AGBL1: variants seen among roughly 807,000 people sequenced by gnomAD.
The protein encoded by AGBL1 is AGBL carboxypeptidase 1, also known as cytosolic carboxypeptidase 4.
In AGBL1, 130 loss-of-function variants were observed where a neutral mutation model predicts 118.9. That is an observed-to-expected ratio of 1.09 (90% CI 0.95 to 1.26). The LOEUF (loss-of-function observed/expected upper bound fraction) is 1.26. Among genes scored for constraint, AGBL1 ranks in the 50% most tolerant of loss-of-function variants. AGBL1 has a pLI of 0.00. For synonymous variants in AGBL1, 555 were observed against 478.9 expected, an observed-to-expected ratio of 1.16 and a Z score of -2.08; for missense variants, 1,584 against 1,298.1, an observed-to-expected ratio of 1.22 and a Z score of -3.38.
chr15:86,719,275 G>A (rs528082707), intron 22 of AGBL1, among the ~76,000 whole-genome samples: 1 of 152,294 alleles, frequency 6.6e-6, no homozygotes, highest in East Asian at 1.9e-4. Context: ...CAGTCAGATA[G>A]GAGACAACTC....
chr15:86,735,189 C>T (rs1383263553), intron 22 of AGBL1, among the ~76,000 whole-genome samples: 1 of 152,104 alleles, frequency 6.6e-6, no homozygotes, highest in Non-Finnish European at 1.5e-5. Flanking sequence ...TTCAGAGATT[C>T]TCCTGCCTCA....
At chr15:86,854,422 G>T (rs2079449568) in intron 22 of AGBL1, among the ~76,000 whole-genome samples, 1 of 152,102 alleles carries the variant, frequency 6.6e-6, no homozygotes, top group Non-Finnish European at 1.5e-5. Flanking sequence ...TATTTCTCTG[G>T]CTCCTTAATT....
At chr15:86,550,450 C>A (rs1596255651) in intron 20 of AGBL1, among the ~76,000 whole-genome samples, 1 of 151,984 alleles carries the variant, frequency 6.6e-6, no homozygotes, top group African/African-American at 2.4e-5. Flanking sequence ...ATACACCATG[C>A]AAATGGTAAC....
At chr15:86,923,957 T>C (rs2080505903) in intron 23 of AGBL1, among the ~76,000 whole-genome samples, 1 of 152,188 alleles carries the variant, frequency 6.6e-6, no homozygotes, top group South Asian at 2.1e-4. Flanking sequence ...CCTGGAGCCA[T>C]TACTCTAGAT....
At chr15:86,181,641 A>T (rs2077554409) in intron 5 of AGBL1, among the ~76,000 whole-genome samples, 1 of 152,044 alleles carries the variant, frequency 6.6e-6, no homozygotes, top group Non-Finnish European at 1.5e-5. Context: ...TCATCAAGTT[A>T]TACATTTTAA....
chr15:86,877,151 C>T (rs1292175296), intron 22 of AGBL1, among the ~76,000 whole-genome samples: 6 of 152,070 alleles, frequency 3.9e-5, no homozygotes, highest in African/African-American at 1.4e-4. Flanking sequence ...ATAAAAGCCC[C>T]ATAACCAATC....
At chr15:86,466,175 T>C (rs1445270835) in intron 18 of AGBL1, among the ~76,000 whole-genome samples, 1 of 152,270 alleles carries the variant, frequency 6.6e-6, no homozygotes, top group African/African-American at 2.4e-5. Context: ...CCCATATTTC[T>C]TGGAGTCTTT....
At chr15:86,541,395 T>C (rs1269484944) in intron 19 of AGBL1, among the ~76,000 whole-genome samples, 1 of 152,010 alleles carries the variant, frequency 6.6e-6, no homozygotes, top group Non-Finnish European at 1.5e-5. Context: ...TTGAGACCCA[T>C]CCTGGGCAAC....
chr15:86,512,920 A>G (rs1436941374), intron 18 of AGBL1, among the ~76,000 whole-genome samples: 1 of 151,338 alleles, frequency 6.6e-6, no homozygotes, highest in East Asian at 1.9e-4. Context: ...TTTTTAAATT[A>G]TAGATTTTTT....
chr15:86,495,103 ACTCTCT>A (rs34697784), intron 18 of AGBL1, among the ~76,000 whole-genome samples: 3 of 129,470 alleles, frequency 2.3e-5, no homozygotes, highest in Non-Finnish European at 5.1e-5. Context: ...TGTCTCGCTC[ACTCTCT>A]CTCTCTCTCT....
intron 21 of AGBL1, among the ~76,000 whole-genome samples, chr15:86,612,512 G>T (rs1033402073): frequency 6.6e-6 from 1 of 151,954 alleles, no homozygotes; most frequent in East Asian, 1.9e-4. Flanking sequence ...AACAGTGACC[G>T]GCATTAAAAC....
chr15:86,139,127 G>T (rs1463486590), intron 1 of AGBL1, among the ~76,000 whole-genome samples: 2 of 152,158 alleles, frequency 1.3e-5, no homozygotes, highest in African/African-American at 4.8e-5. Flanking sequence ...AACATTTAGT[G>T]CAGCTGTGAT....
intron 22 of AGBL1, among the ~76,000 whole-genome samples, chr15:86,817,096 G>T (rs1440878353): frequency 1.3e-5 from 2 of 151,906 alleles, no homozygotes; most frequent in African/African-American, 2.4e-5. Context: ...AGACCAGCAT[G>T]ACCAACATGA....
chr15:86,664,854 AAAT>A (rs138510483), intron 21 of AGBL1, among the ~76,000 whole-genome samples: 60,096 of 151,662 alleles, frequency 0.4, 12,310 homozygotes, highest in East Asian at 0.68. Context: ...ATATTACATA[AAAT>A]AATATCTTAA....
chr15:86,820,753 A>T (rs2078930276), intron 22 of AGBL1, among the ~76,000 whole-genome samples: 1 of 152,164 alleles, frequency 6.6e-6, no homozygotes, highest in Admixed American at 6.5e-5. Flanking sequence ...TCGTTCAACC[A>T]TTGTGGAAGA....
intron 24 of AGBL1, among the ~76,000 whole-genome samples, chr15:86,993,282 A>G (rs1567276572): frequency 6.6e-6 from 1 of 152,306 alleles, no homozygotes; most frequent in East Asian, 1.9e-4. Flanking sequence ...GGCATTTTGT[A>G]CATCAACTCT....
intron 23 of AGBL1, among the ~76,000 whole-genome samples, chr15:86,947,594 G>T (rs147219297): frequency 6.6e-6 from 1 of 152,052 alleles, no homozygotes; most frequent in African/African-American, 2.4e-5. Context: ...TTGTAATTTT[G>T]TTATCAAATT....
At chr15:86,610,535 G>A (rs1253010564) in intron 21 of AGBL1, among the ~76,000 whole-genome samples, 1 of 152,080 alleles carries the variant, frequency 6.6e-6, no homozygotes, top group African/African-American at 2.4e-5. Flanking sequence ...TCTGCCCCAG[G>A]GAGAAACAGA....
Position 86,389,729 on chromosome 15 carries a change from A to G in AGBL1, c.2375-7637A>G, listed in dbSNP as rs141422182. ...ATATTATACTATAATAAATCAAAGAAGTACCTTGTAATCTCTGAGGTAACT... is the reference window on the plus strand; with the variant it reads ...ATATTATACTATAATAAATCAAAGAGGTACCTTGTAATCTCTGAGGTAACT... On this transcript the variant is annotated intron_variant, in intron 17 of 22. Coordinates refer to ENST00000614907, the MANE Select transcript of AGBL1 (RefSeq NM_001386094.1). 2.7e-3 allele frequency among the ~76,000 whole-genome samples: 408 copies of G among 152,304 alleles called. 2 individuals are homozygous for G. Among genetic ancestry groups the G allele is most frequent in the African/African-American group, 9.4e-3 (389 of 41,578 alleles).
Sources: gnomAD v4.1 joint callset for allele counts (sites outside exome capture counted in the v4.1 genomes callset) on GRCh38, gnomAD v4.1.1 for gene constraint, MANE v1.5 for transcripts, NCBI Gene and HGNC (gene_info 2026-07-23, HGNC 2026-07-21) for gene names.